The following ASIC2 variants were observed in gnomAD, a reference collection of about 807,000 sequenced individuals.
The protein encoded by ASIC2 is acid sensing ion channel subunit 2, also known as acid-sensing ion channel 2.
A neutral mutation model predicts 57.3 loss-of-function variants in ASIC2; 25 were observed. The observed-to-expected ratio is 0.44, with a 90% CI of 0.32 to 0.61. ASIC2 has a LOEUF of 0.61. Ranked by LOEUF, ASIC2 falls within the 20% of genes least tolerant of loss-of-function variation. ASIC2 has a pLI of 0.06. For missense variants in ASIC2, 641 were observed against 738.1 expected (o/e 0.87, Z 1.52); for synonymous variants, 319 against 307.5 (o/e 1.04, Z -0.39).
chr17:33,542,822 A>G (rs1915459224), intron 1 of ASIC2, among the ~76,000 whole-genome samples: 2 of 147,842 alleles, frequency 1.4e-5, no homozygotes, highest in Non-Finnish European at 1.5e-5. Context: ...GTCCTTGCCC[A>G]TGCCTATGTC....
chr17:33,346,457 G>C lies in ASIC2; in HGVS notation c.556-234390C>G, dbSNP rs77506461. Among the ~76,000 whole-genome samples the C allele has an allele frequency of 1.8e-3, 270 of 152,190 alleles. 1 individual carries two copies. The highest frequency in any genetic ancestry group is 2.7e-3 in the Non-Finnish European group (186 of 68,012). ...TTTTCTGAGATAGAAAGAATCGGGT[G>C]GGGTGGATATTTGGGATTTTCTATG... is the stretch of plus-strand genomic sequence containing the variant. On this transcript the variant is annotated intron_variant, in intron 1 of 9. Coordinates refer to the ASIC2 transcript ENST00000359872.
intron 1 of ASIC2, among the ~76,000 whole-genome samples, chr17:33,980,045 G>A (rs529270376): frequency 2.6e-5 from 4 of 152,148 alleles, no homozygotes; most frequent in Non-Finnish European, 4.4e-5. Context: ...GGTGAGCCTT[G>A]TAGATTCTCA....
chr17:33,115,350 G>GT (rs1368409696), intron 1 of ASIC2, among the ~76,000 whole-genome samples: 1 of 152,132 alleles, frequency 6.6e-6, no homozygotes, highest in Non-Finnish European at 1.5e-5. Flanking sequence ...TTTTTATCAA[G>GT]TCAAGACCAC....
intron 1 of ASIC2, among the ~76,000 whole-genome samples, chr17:33,134,941 A>C (rs1299007901): frequency 1.3e-5 from 2 of 152,240 alleles, no homozygotes; most frequent in African/African-American, 4.8e-5. Flanking sequence ...TTAGGATAGC[A>C]GAGAAATATT....
intron 1 of ASIC2, among the ~76,000 whole-genome samples, chr17:33,386,254 C>A (rs958834186): frequency 3.9e-5 from 6 of 152,184 alleles, no homozygotes; most frequent in African/African-American, 1.4e-4. Context: ...TCTAGAGACC[C>A]ACCTGTATCC....
intron 1 of ASIC2, among the ~76,000 whole-genome samples, chr17:34,155,150 G>T (rs991651726): frequency 1.3e-5 from 2 of 151,570 alleles, no homozygotes; most frequent in Admixed American, 6.6e-5. Context: ...CATCCACGTC[G>T]TTAAGTGATT....
intron 1 of ASIC2, among the ~76,000 whole-genome samples, chr17:34,105,295 T>C (rs1911003806): frequency 1.3e-5 from 2 of 151,938 alleles, no homozygotes; most frequent in African/African-American, 4.8e-5. Flanking sequence ...TATAATGATA[T>C]TCATTTCTTA....
chr17:33,114,546 T>A (rs1334712283), intron 1 of ASIC2, among the ~76,000 whole-genome samples: 1 of 152,218 alleles, frequency 6.6e-6, no homozygotes, highest in Non-Finnish European at 1.5e-5. Context: ...TATTGCAAAT[T>A]CCAACTCCTT....
At chr17:34,069,356 TTTTC>T (rs56965842) in intron 1 of ASIC2, 98,656 of 132,102 alleles carry the variant, frequency 0.75, 34,088 homozygotes, top group South Asian at 0.83. Context: ...TTTTCTTTCT[TTTTC>T]TTTCTTTCTT....
At chr17:33,452,299 T>C (rs1912278995) in intron 1 of ASIC2, among the ~76,000 whole-genome samples, 1 of 152,232 alleles carries the variant, frequency 6.6e-6, no homozygotes. Flanking sequence ...AACCTCAGTT[T>C]CCAAATCTGC....
intron 1 of ASIC2, among the ~76,000 whole-genome samples, chr17:33,855,660 C>T (rs1367889152): frequency 8.6e-5 from 13 of 151,806 alleles, no homozygotes; most frequent in African/African-American, 2.2e-4. Flanking sequence ...ATGGTGATGA[C>T]GATGGGGATG....
intron 1 of ASIC2, among the ~76,000 whole-genome samples, chr17:34,107,476 C>G (rs1911103771): frequency 6.6e-6 from 1 of 152,076 alleles, no homozygotes; most frequent in African/African-American, 2.4e-5. Context: ...GCCACTGTAC[C>G]CCAGCATGAG....
intron 1 of ASIC2, among the ~76,000 whole-genome samples, chr17:34,114,044 C>G (rs1283847724): frequency 6.6e-6 from 1 of 152,140 alleles, no homozygotes; most frequent in Non-Finnish European, 1.5e-5. Flanking sequence ...CTAGAAACTG[C>G]CTCAGAGGAG....
intron 1 of ASIC2, among the ~76,000 whole-genome samples, chr17:33,973,460 AG>A (rs1276584261): frequency 6.6e-6 from 1 of 152,222 alleles, no homozygotes; most frequent in Non-Finnish European, 1.5e-5. Flanking sequence ...CTGTAGCAAT[AG>A]GCCCAGACTT....
intron 1 of ASIC2, among the ~76,000 whole-genome samples, chr17:33,309,896 T>C (rs2074125039): frequency 6.8e-6 from 1 of 146,926 alleles, no homozygotes; most frequent in Admixed American, 6.9e-5. Context: ...GTGAAGAAGC[T>C]CTTCTATCTG....
At position 34,099,783 on chromosome 17, in the gene ASIC2, AAAGAAAGAAAGAAAG is replaced by A. The variant is rs1426667027; in HGVS notation, c.555+56180_555+56194del. 3.5e-3 allele frequency among the ~76,000 whole-genome samples: 219 copies of A among 62,442 alleles called. 2 individuals carry two copies. The South Asian group carries it at 0.039, about 11-fold the overall frequency. The allele number at this position is 62,442 out of a possible 152,430, so 41.0% of individuals were successfully genotyped here. A position where few individuals can be genotyped will look rare whatever the true frequency, so the allele number is the denominator to read the frequency against. Reference sequence around the variant, plus strand: ...GAAAGAAAGAAAGAAAGAAAGAAAGAAAGAAAGAAAGAAAGAAAGAAAAGAGAATCTCATAGTATT... The same window carrying A: ...GAAAGAAAGAAAGAAAGAAAGAAAGAAAAGAAAAGAGAATCTCATAGTATT... On this transcript the variant is annotated intron_variant, in intron 1 of 9. Transcript: ENST00000359872.
intron 1 of ASIC2, among the ~76,000 whole-genome samples, chr17:33,185,033 A>G (rs1906136233): frequency 1.3e-5 from 2 of 152,208 alleles, no homozygotes; most frequent in South Asian, 4.1e-4. Flanking sequence ...GATCTACTCA[A>G]TTCTAGTCCT....
chr17:33,578,779 G>A (rs530922678), intron 1 of ASIC2, among the ~76,000 whole-genome samples: 3 of 125,980 alleles, frequency 2.4e-5, no homozygotes, highest in Middle Eastern at 3.7e-3. Context: ...TGCTGATTTC[G>A]CATAATCCTA....
intron 1 of ASIC2, among the ~76,000 whole-genome samples, chr17:33,226,918 T>C (rs1039990472): frequency 6.6e-6 from 1 of 152,208 alleles, no homozygotes; most frequent in Non-Finnish European, 1.5e-5. Context: ...ACTCATTACA[T>C]CCAAAGTAAT....
Sources: gnomAD v4.1 joint callset for allele counts (sites outside exome capture counted in the v4.1 genomes callset) on GRCh38, gnomAD v4.1.1 for gene constraint, MANE v1.5 for transcripts, NCBI Gene and HGNC (gene_info 2026-07-23, HGNC 2026-07-21) for gene names.